The following ACP4 variants were observed in gnomAD, a reference collection of about 807,000 sequenced individuals.
ACP4 encodes the protein testicular acid phosphatase.
In ACP4, 49 loss-of-function variants were observed where a neutral mutation model predicts 47.3. The ratio of observed to expected loss-of-function variants is 1.04; its 90% CI spans 0.82 to 1.32. ACP4 has a LOEUF of 1.32. Ranked by LOEUF, ACP4 falls within the 40% of genes most tolerant of loss-of-function variation. The pLI, the probability that ACP4 is intolerant of heterozygous loss-of-function variation, is 0.00. For synonymous variants in ACP4, 299 were observed against 265.3 expected (o/e 1.13, Z -1.23); for missense variants, 594 against 579.3 (o/e 1.03, Z -0.26).
At chr19:50,791,073 T>C (rs1042640377) in intron 3 of ACP4, among the ~76,000 whole-genome samples, 1 of 152,114 alleles carries the variant, frequency 6.6e-6, no homozygotes, top group African/African-American at 2.4e-5. Flanking sequence ...CTGACCTCCA[T>C]CAACTCTGAC....
rs758939654 is a variant in ACP4, at chr19:50,793,720, C to A, written c.682C>A (p.Pro228Thr). The part of the protein sequence containing the change: ...HGLPLPAWAS[P>T]DVLRTLAQIS... ...TCTTCCACTACCAGCCTGGGCCTCC[C>A]CAGATGTCCTGCGGACTCTTGCCCA... The change falls in exon 7 of 11, where the codon CCA becomes ACA. Residue 228 changes from proline (P) to threonine (T), a missense_variant. Pro to Thr is a conservative substitution (Grantham distance 38). Coordinates refer to ENST00000270593, the MANE Select transcript of ACP4 (RefSeq NM_033068.3). The A allele has an allele frequency of 6.2e-6, 10 of 1,613,744 alleles. No individual in the cohort carries two copies. In the East Asian group the frequency reaches 2.2e-4, roughly 36 times the overall value.
chr19:50,795,045 C>G lies in ACP4; in HGVS notation c.1168C>G (p.Pro390Ala), dbSNP rs953882391. Reference sequence around the variant, plus strand: ...CCCCCCGCGTGTTCTCCCTGCAGCTCCAGTGGTGCCCCTGCTGGCCGGAGC... The same window carrying G: ...CCCCCCGCGTGTTCTCCCTGCAGCTGCAGTGGTGCCCCTGCTGGCCGGAGC... ...GPYEAAIPPAPVVPLLAGAVA... is the reference protein window; with the variant it reads ...GPYEAAIPPAAVVPLLAGAVA... Residue 390 changes from proline to alanine, a missense_variant and splice_region_variant, in exon 11 of 11, where the codon CCA becomes GCA. Coordinates refer to ENST00000270593, the MANE Select transcript of ACP4 (RefSeq NM_033068.3). 3 of 1,610,592 alleles carry G rather than the reference C, an allele frequency of 1.9e-6. No homozygotes were observed. Among genetic ancestry groups the G allele is most frequent in the Non-Finnish European group, 2.5e-6 (3 of 1,178,804 alleles).
rs754892926 is a variant in ACP4, at chr19:50,791,800, A to G, written c.448A>G (p.Lys150Glu). The G allele has an allele frequency of 4.9e-5, 79 of 1,601,936 alleles. 1 individual carries two copies. Among genetic ancestry groups the G allele is most frequent in the South Asian group, 3.2e-4 (29 of 90,208 alleles). ...PVHTVPVAED[K>E]LLRFPMRSCP... Reference sequence around the variant, plus strand: ...GCACACGGTGCCCGTGGCTGAGGATAAGGTCAGGGGGCTGGACCCACGTGT... The same window carrying G: ...GCACACGGTGCCCGTGGCTGAGGATGAGGTCAGGGGGCTGGACCCACGTGT... Residue 150 changes from lysine to glutamate, a missense_variant and splice_region_variant, in exon 4 of 11, where the codon AAG becomes GAG. Physicochemically the swap from Lys to Glu is moderately conservative, Grantham distance 56. Transcript: ENST00000270593.
rs2089545930 is a variant in ACP4 at position 50,794,983 on chromosome 19, GGGGT to G, written c.1165+23_1165+26del. On this transcript the variant is annotated intron_variant, in intron 10 of 10. Transcript: ENST00000270593. The stretch of plus-strand genomic sequence containing the variant: ...CCCCCAGGTGACAGTCCTCTGTGTT[GGGGT>G]GGGAGTGGAGGGTTGCCAAGTCCTG... 4.3e-6 allele frequency: 7 copies of G among 1,613,544 alleles called. No homozygotes were observed. In the East Asian group the frequency reaches 1.6e-4, roughly 36 times the overall value.
Position 50,795,168 on chromosome 19 carries a change from C to T in ACP4, c.*10C>T, listed in dbSNP as rs1445490498. The T allele has an allele frequency of 6.5e-7, 1 of 1,531,608 alleles. No individual in the cohort carries two copies. The highest frequency in any genetic ancestry group is 8.8e-7 in the Non-Finnish European group (1 of 1,142,402). 94.9% of individuals were successfully genotyped at this position (1,531,608 alleles called of 1,614,324 possible). On this transcript the variant is annotated 3_prime_UTR_variant, in exon 11 of 11. Coordinates refer to ENST00000270593, the MANE Select transcript of ACP4 (RefSeq NM_033068.3). ...GGGGGGCCCCGTGTGAGCCAGAAAC[C>T]AGGGCTTCCCTACCCCCAGCTGACA...
At chr19:50,794,292 A>C (rs1417086117) in intron 8 of ACP4, among the ~76,000 whole-genome samples, 165 bp from the exon 9 acceptor site, 2 of 152,178 alleles carry the variant, frequency 1.3e-5, no homozygotes, top group Non-Finnish European at 2.9e-5. Flanking sequence ...ATCTTTATTA[A>C]GTGGCCGCCT....
chr19:50,792,036 C>A, intron 4 of ACP4, 37 bp from the exon 5 acceptor site: 2 of 1,538,878 alleles, frequency 1.3e-6, no homozygotes, highest in Non-Finnish European at 8.8e-7. Context: ...CAAGGCAAGG[C>A]ACACGGCTGT....
At position 50,794,519 on chromosome 19, in the gene ACP4, A is replaced by T. The variant is rs1402098824; in HGVS notation, c.924A>T (p.Pro308=). ...ALGLYDGHTP[P]YAACLGFEFR... is the part of the protein sequence containing the mutation. ...GCCTCTATGATGGACACACCCCGCCATATGCTGCCTGCCTCGGCTTTGAGT... is the reference window on the plus strand; with the variant it reads ...GCCTCTATGATGGACACACCCCGCCTTATGCTGCCTGCCTCGGCTTTGAGT... The change falls in exon 9 of 11, where the codon CCA becomes CCT. Residue 308 remains proline (P), a synonymous_variant. Transcript: ENST00000270593. 6.2e-7 allele frequency: 1 copy of T among 1,613,976 alleles called. No homozygotes were observed. Among genetic ancestry groups the T allele is most frequent in the Non-Finnish European group, 8.5e-7 (1 of 1,180,008 alleles).
chr19:50,790,824 C>A lies in ACP4; in HGVS notation c.267C>A (p.Tyr89Ter), dbSNP rs375670940. 1.3e-6 allele frequency: 2 copies of A among 1,548,904 alleles called. No homozygotes were observed. Among genetic ancestry groups the A allele is most frequent in the South Asian group, 2.4e-5 (2 of 83,946 alleles). The change falls in exon 3 of 11, where the codon TAC becomes TAA. Residue 89 changes from tyrosine to a stop codon, truncating the protein, a stop_gained. Transcript: ENST00000270593. LOFTEE classifies it high-confidence loss of function. ...TGGGCCGCTTCCTGAGGAGCCGCTACGAGGCCTTCCTGAGTCCGGAGTACC... is the reference window on the plus strand; with the variant it reads ...TGGGCCGCTTCCTGAGGAGCCGCTAAGAGGCCTTCCTGAGTCCGGAGTACC... ...LELGRFLRSR[Y>*]EAFLSPEYRR...
chr19:50,791,546 A>C, intron 3 of ACP4, 110 bp from the exon 4 acceptor site: 1 of 1,426,502 alleles, frequency 7.0e-7, no homozygotes, highest in East Asian at 2.3e-5. Context: ...CATGATTCTC[A>C]GTGTCTGACC....
At chr19:50,794,411 G>A in intron 8 of ACP4, 46 bp from the exon 9 acceptor site, 3 of 1,608,690 alleles carry the variant, frequency 1.9e-6, no homozygotes, top group Non-Finnish European at 2.5e-6. Flanking sequence ...TCAGGAGAAA[G>A]GCCTCCAGAG....
Position 50,791,122 on chromosome 19 carries a change from T to C in ACP4, c.303+262T>C, listed in dbSNP as rs1256032235. Among the ~76,000 whole-genome samples the C allele has an allele frequency of 4.6e-5, 7 of 152,310 alleles. No homozygotes were observed. The South Asian group carries it at 1.0e-3, about 23-fold the overall frequency. Reference sequence around the variant, plus strand: ...CTCCATCTCTGTTTTCTAAGTCCCATTGACTCCAGTCAGACCTCTGGCCTC... The same window carrying C: ...CTCCATCTCTGTTTTCTAAGTCCCACTGACTCCAGTCAGACCTCTGGCCTC... On this transcript the variant is annotated intron_variant, in intron 3 of 10. Coordinates refer to ENST00000270593, the MANE Select transcript of ACP4 (RefSeq NM_033068.3).
intron 6 of ACP4, chr19:50,793,379 G>A (rs1292479549): frequency 6.0e-6 from 2 of 335,106 alleles, no homozygotes; most frequent in Non-Finnish European, 1.1e-5. Context: ...GCCAGGAATG[G>A]TGGCACACAC....
chr19:50,792,865 T>C (rs1434676645), intron 6 of ACP4: 5 of 152,468 alleles, frequency 3.3e-5, no homozygotes, highest in Admixed American at 6.5e-5. Context: ...AAAAAATTAA[T>C]TTTTTGCAGA....
chr19:50,794,317 T>TG (rs1308099756), intron 8 of ACP4, 140 bp from the exon 9 acceptor site: 9 of 1,248,970 alleles, frequency 7.2e-6, no homozygotes, highest in East Asian at 7.1e-5. Flanking sequence ...ATGTTGGTAC[T>TG]GCCTTCAGGA....
At chr19:50,791,358 C>T (rs902789501) in intron 3 of ACP4, among the ~76,000 whole-genome samples, 2 of 152,102 alleles carry the variant, frequency 1.3e-5, no homozygotes, top group African/African-American at 4.8e-5. Flanking sequence ...TCCAAGCTGC[C>T]CTCCTAAACT....
rs139498922 is a variant in ACP4 at position 50,794,537 on chromosome 19, C to T, written c.942C>T (p.Gly314=). The change falls in exon 9 of 11, where the codon GGC becomes GGT. Residue 314 remains glycine (G), a synonymous_variant. Coordinates refer to ENST00000270593, the MANE Select transcript of ACP4 (RefSeq NM_033068.3). ...GHTPPYAACL[G]FEFRKHLGNP... Reference sequence around the variant, plus strand: ...CCCCGCCATATGCTGCCTGCCTCGGCTTTGAGTTCCGGAAGCACCTGGGGA... The same window carrying T: ...CCCCGCCATATGCTGCCTGCCTCGGTTTTGAGTTCCGGAAGCACCTGGGGA... 1.3e-4 allele frequency: 209 copies of T among 1,614,048 alleles called. No individual in the cohort carries two copies. The highest frequency in any genetic ancestry group is 5.0e-4 in the Middle Eastern group (3 of 6,060).
intron 4 of ACP4, 128 bp from the exon 5 acceptor site, chr19:50,791,945 G>A (rs2089512437): frequency 9.7e-6 from 14 of 1,443,660 alleles, no homozygotes; most frequent in Non-Finnish European, 5.5e-6. Context: ...CCCGGCCCAC[G>A]CTGCTCTCCT....
intron 6 of ACP4, chr19:50,792,561 A>G (rs2089519336): frequency 1.8e-6 from 1 of 546,864 alleles, no homozygotes; most frequent in Non-Finnish European, 3.2e-6. Flanking sequence ...TGCCTGGTGT[A>G]CAGTGAGGGC....
Sources: gnomAD v4.1 joint callset for allele counts (sites outside exome capture counted in the v4.1 genomes callset) on GRCh38, gnomAD v4.1.1 for gene constraint, MANE v1.5 for transcripts, NCBI Gene and HGNC (gene_info 2026-07-23, HGNC 2026-07-21) for gene names.